NKAIN2: variants seen among roughly 807,000 people sequenced by gnomAD.
NKAIN2 encodes sodium/potassium transporting ATPase interacting 2.
A neutral mutation model predicts 32.6 loss-of-function variants in NKAIN2; 14 were observed. That is an observed-to-expected ratio of 0.43 (90% CI 0.28 to 0.67). NKAIN2 has a LOEUF of 0.67. NKAIN2 is among the 30% of genes least tolerant of loss of function. The pLI, the probability that NKAIN2 is intolerant of heterozygous loss-of-function variation, is 0.17. For missense variants in NKAIN2, 198 were observed against 258.3 expected (o/e 0.77, Z 1.60); for synonymous variants, 80 against 87.2 (o/e 0.92, Z 0.46).
At chr6:123,858,041 A>G (rs570179562) in intron 1 of NKAIN2, among the ~76,000 whole-genome samples, 1 of 152,268 alleles carries the variant, frequency 6.6e-6, no homozygotes, top group South Asian at 2.1e-4. Flanking sequence ...TGATAAAACT[A>G]TCCACTCCTG....
At chr6:124,363,046 G>T (rs1390613566) in intron 3 of NKAIN2, among the ~76,000 whole-genome samples, 1 of 152,002 alleles carries the variant, frequency 6.6e-6, no homozygotes, top group Non-Finnish European at 1.5e-5. Flanking sequence ...TGTTCGCCAG[G>T]CTGGTCTGGA....
At chr6:124,688,019 C>T (rs953260269) in intron 4 of NKAIN2, among the ~76,000 whole-genome samples, 3 of 151,838 alleles carry the variant, frequency 2.0e-5, no homozygotes, top group Admixed American at 1.3e-4. Context: ...ATTTACTAAC[C>T]ATCATTATTC....
intron 4 of NKAIN2, among the ~76,000 whole-genome samples, chr6:124,776,818 C>A (rs575632151): frequency 8.5e-5 from 13 of 152,122 alleles, no homozygotes; most frequent in African/African-American, 1.9e-4. Context: ...TCTAGATTGA[C>A]AATTGTTCAT....
At position 124,035,573 on chromosome 6, in the gene NKAIN2, A is replaced by G. The variant is rs138593100; in HGVS notation, c.54+231319A>G. ...CTTGCTTGCTATGAGTTTCTGTGCA[A>G]GTTCTATTATGTCCCTTTATTTTAT... is the stretch of plus-strand genomic sequence containing the variant. On this transcript the variant is annotated intron_variant, in intron 1 of 6. Coordinates refer to ENST00000368417, the MANE Select transcript of NKAIN2 (RefSeq NM_001040214.3). Among the ~76,000 whole-genome samples the G allele has an allele frequency of 7.2e-3, 1,097 of 152,148 alleles. 9 individuals are homozygous for G. Among genetic ancestry groups the G allele is most frequent in the African/African-American group, 0.025 (1,046 of 41,534 alleles).
intron 3 of NKAIN2, among the ~76,000 whole-genome samples, chr6:124,570,796 A>G (rs947730465): frequency 3.9e-5 from 6 of 152,100 alleles, no homozygotes; most frequent in South Asian, 2.1e-4. Flanking sequence ...GGCACTGTCT[A>G]TTGGAACTGT....
intron 3 of NKAIN2, among the ~76,000 whole-genome samples, chr6:124,420,016 TAAG>T (rs2114529737): frequency 6.6e-6 from 1 of 152,200 alleles, no homozygotes; most frequent in Non-Finnish European, 1.5e-5. Flanking sequence ...AGGAACTGAT[TAAG>T]AAGAATTAGA....
At chr6:124,565,723 C>G (rs1780885754) in intron 3 of NKAIN2, among the ~76,000 whole-genome samples, 1 of 152,098 alleles carries the variant, frequency 6.6e-6, no homozygotes, top group African/African-American at 2.4e-5. Context: ...ATAAAGAAAT[C>G]TGAGGTGAGT....
At chr6:124,475,060 G>A (rs554958353) in intron 3 of NKAIN2, among the ~76,000 whole-genome samples, 109 of 151,654 alleles carry the variant, frequency 7.2e-4, no homozygotes, top group Admixed American at 3.6e-3. Context: ...TAATGCATTG[G>A]TTCAGACTAG....
chr6:124,411,200 A>G (rs1774159833), intron 3 of NKAIN2, among the ~76,000 whole-genome samples: 1 of 152,066 alleles, frequency 6.6e-6, no homozygotes, highest in African/African-American at 2.4e-5. Context: ...TAGTATTGGT[A>G]TGTGTGAATT....
intron 1 of NKAIN2, among the ~76,000 whole-genome samples, chr6:124,085,030 T>A (rs1474574442): frequency 6.6e-6 from 1 of 152,026 alleles, no homozygotes; most frequent in Non-Finnish European, 1.5e-5. Context: ...TCTGCATGCA[T>A]TTTATAAGTG....
At chr6:124,156,329 T>C (rs941801984) in intron 1 of NKAIN2, among the ~76,000 whole-genome samples, 3 of 152,054 alleles carry the variant, frequency 2.0e-5, no homozygotes, top group Admixed American at 6.5e-5. Context: ...CATGTGTAGA[T>C]ATTTATTGAG....
intron 5 of NKAIN2, among the ~76,000 whole-genome samples, chr6:124,806,661 A>G (rs959982748): frequency 6.6e-6 from 1 of 152,126 alleles, no homozygotes; most frequent in Non-Finnish European, 1.5e-5. Context: ...ATGTAAATGG[A>G]CTAAATGCTC....
intron 1 of NKAIN2, among the ~76,000 whole-genome samples, chr6:123,904,966 C>G (rs1343370261): frequency 6.6e-6 from 1 of 152,110 alleles, no homozygotes; most frequent in African/African-American, 2.4e-5. Flanking sequence ...TGAAATTCAT[C>G]ACTGTTCATT....
rs535337872 is a variant in NKAIN2 at position 124,173,624 on chromosome 6, T to C, written c.55-109381T>C. On this transcript the variant is annotated intron_variant, in intron 1 of 6. Coordinates refer to ENST00000368417, the MANE Select transcript of NKAIN2 (RefSeq NM_001040214.3). ...TAAAGCTGCTCCAAATCAAATTATT[T>C]CTAAAATTATACTTAAAAACTAAAT... Among the ~76,000 whole-genome samples the C allele has an allele frequency of 3.9e-5, 6 of 152,252 alleles. No individual in the cohort carries two copies. The South Asian group carries it at 1.2e-3, about 32-fold the overall frequency.
At chr6:124,709,046 T>G (rs9375357) in intron 4 of NKAIN2, among the ~76,000 whole-genome samples, 24,983 of 93,690 alleles carry the variant, frequency 0.27, 4,794 homozygotes, top group African/African-American at 0.36. Context: ...TTTTTAGCAT[T>G]AAGGGTTGTT....
chr6:124,477,477 C>T, intron 3 of NKAIN2, among the ~76,000 whole-genome samples: 1 of 152,070 alleles, frequency 6.6e-6, no homozygotes, highest in African/African-American at 2.4e-5. Flanking sequence ...CTGTGAGAAC[C>T]AAAAACCTTT....
intron 3 of NKAIN2, among the ~76,000 whole-genome samples, chr6:124,502,036 G>A (rs767292943): frequency 5.3e-5 from 8 of 152,046 alleles, no homozygotes; most frequent in African/African-American, 2.4e-5. Flanking sequence ...CCCAGGAGGC[G>A]GAGTTTGGAG....
chr6:124,381,534 A>T (rs550228992), intron 3 of NKAIN2, among the ~76,000 whole-genome samples: 2 of 152,262 alleles, frequency 1.3e-5, no homozygotes, highest in Middle Eastern at 3.4e-3. Flanking sequence ...TGCGTGTTAC[A>T]GCCCTTAACT....
chr6:124,014,992 T>C (rs1456412771), intron 1 of NKAIN2, among the ~76,000 whole-genome samples: 1 of 152,168 alleles, frequency 6.6e-6, no homozygotes, highest in African/African-American at 2.4e-5. Context: ...TGATTAGTTT[T>C]TATGATGACG....
Sources: allele counts gnomAD v4.1 joint callset (sites outside exome capture counted in the v4.1 genomes callset), GRCh38; gene constraint gnomAD v4.1.1; transcripts MANE v1.5; gene names NCBI Gene and HGNC (gene_info 2026-07-23, HGNC 2026-07-21).